Variants in SRFBP1 observed in about 807,000 individuals in gnomAD.
The protein encoded by SRFBP1 is serum response factor-binding protein 1.
Under a neutral mutation model 45.5 loss-of-function variants are expected in SRFBP1, and 47 were observed. That is an observed-to-expected ratio of 1.03 (90% CI 0.82 to 1.32). The LOEUF (loss-of-function observed/expected upper bound fraction) is 1.32, where lower values mean the gene tolerates loss of function less well. Ranked by LOEUF, SRFBP1 falls within the 40% of genes most tolerant of loss-of-function variation. SRFBP1 has a pLI of 0.00. For missense variants in SRFBP1, 621 were observed against 484.6 expected, an observed-to-expected ratio of 1.28 and a Z score of -2.64; for synonymous variants, 203 against 166.3, an observed-to-expected ratio of 1.22 and a Z score of -1.70.
At chr5:121,976,998 T>C (rs1457733192) in intron 3 of SRFBP1, among the ~76,000 whole-genome samples, 1 of 151,996 alleles carries the variant, frequency 6.6e-6, no homozygotes, top group African/African-American at 2.4e-5. Context: ...ACTTCCCTTT[T>C]GTAAATTTCA....
intron 3 of SRFBP1, 102 bp from the exon 4 acceptor site, chr5:121,994,497 G>A: frequency 1.4e-6 from 1 of 705,242 alleles, no homozygotes; most frequent in Non-Finnish European, 2.4e-6. Flanking sequence ...TCAAAATTAA[G>A]ATGTTATTTA....
chr5:122,039,701 C>T (rs1183894296), intron 2 of SRFBP1, among the ~76,000 whole-genome samples: 2 of 152,072 alleles, frequency 1.3e-5, no homozygotes, highest in African/African-American at 4.8e-5. Context: ...TTGCATTGAG[C>T]AGATCCTCCC....
chr5:121,974,951 G>A (rs1224865196), intron 2 of SRFBP1, among the ~76,000 whole-genome samples: 1 of 151,426 alleles, frequency 6.6e-6, no homozygotes, highest in Non-Finnish European at 1.5e-5. Flanking sequence ...ATTTTCATTT[G>A]ATAAAATTAT....
intron 2 of SRFBP1, among the ~76,000 whole-genome samples, chr5:122,047,412 G>C (rs1279378806): frequency 6.6e-6 from 1 of 152,166 alleles, no homozygotes. Context: ...CTATATCTCT[G>C]TTTTGGTACC....
At chr5:121,967,128 C>T (rs537151067) in intron 1 of SRFBP1, among the ~76,000 whole-genome samples, 1 of 152,056 alleles carries the variant, frequency 6.6e-6, no homozygotes, top group African/African-American at 2.4e-5. Context: ...CCATTAAGCC[C>T]ATTAGAAAAT....
At chr5:122,038,629 T>G (rs1311337421) in intron 2 of SRFBP1, among the ~76,000 whole-genome samples, 5 of 152,194 alleles carry the variant, frequency 3.3e-5, no homozygotes, top group Non-Finnish European at 7.3e-5. Flanking sequence ...AGTAAGGGTG[T>G]GCAATTTCCT....
chr5:122,068,533 C>G (rs967310028), intron 2 of SRFBP1, among the ~76,000 whole-genome samples: 3 of 152,124 alleles, frequency 2.0e-5, no homozygotes, highest in African/African-American at 7.2e-5. Context: ...TGCCTTTACT[C>G]AAATTATTTG....
In SRFBP1 at chr5:121,975,353, C is replaced by T. The variant is rs202119587; in HGVS notation, c.164C>T (p.Ala55Val). Residue 55 changes from alanine to valine, a missense_variant, in exon 3 of 8, where the codon GCG becomes GTG. Coordinates refer to ENST00000339397, the MANE Select transcript of SRFBP1 (RefSeq NM_152546.3). ...GCACTGTTAAAAAACCAAAGACGGG[C>T]GCAAAGATTGCTTGAAGAAATCCAT... ...EDALLKNQRR[A>V]QRLLEEIHAM... The T allele has an allele frequency of 8.1e-6, 13 of 1,613,178 alleles. No homozygotes were observed. Among genetic ancestry groups the T allele is most frequent in the African/African-American group, 2.7e-5 (2 of 74,966 alleles).
At position 121,994,604 on chromosome 5, in the gene SRFBP1, G is replaced by A. The variant is rs984375233; in HGVS notation, c.204G>A (p.Leu68=). 6.3e-7 allele frequency: 1 copy of A among 1,592,312 alleles called. No individual in the cohort carries two copies. The highest frequency in any genetic ancestry group is 1.4e-5 in the African/African-American group (1 of 73,798). ...LLEEIHAMKE[L]KPDIVTKSAL... Reference sequence around the variant, plus strand: ...TTTGTTTTATTCTTTCACAGGAATTGAAACCTGACATAGTAACTAAATCTG... The same window carrying A: ...TTTGTTTTATTCTTTCACAGGAATTAAAACCTGACATAGTAACTAAATCTG... The change falls in exon 4 of 8, where the codon TTG becomes TTA. Residue 68 remains leucine (L), a synonymous_variant. Coordinates refer to ENST00000339397, the MANE Select transcript of SRFBP1 (RefSeq NM_152546.3).
intron 3 of SRFBP1, among the ~76,000 whole-genome samples, chr5:121,986,245 G>C (rs1259977248): frequency 6.6e-6 from 1 of 151,938 alleles, no homozygotes; most frequent in Admixed American, 6.6e-5. Context: ...AGGCCAAGAA[G>C]GGGACAATGC....
intron 3 of SRFBP1, among the ~76,000 whole-genome samples, chr5:121,977,254 A>T (rs925602093): frequency 6.6e-6 from 1 of 152,066 alleles, no homozygotes; most frequent in African/African-American, 2.4e-5. Flanking sequence ...CCAAATTCAT[A>T]GCCTATGTAT....
At chr5:122,019,472 A>G in intron 5 of SRFBP1, 131 bp downstream of exon 5, 2 of 689,962 alleles carry the variant, frequency 2.9e-6, no homozygotes, top group Non-Finnish European at 4.5e-6. Flanking sequence ...ACCAGTGTGG[A>G]AGGTGTCTGA....
At chr5:121,976,946 G>A (rs115334508) in intron 3 of SRFBP1, among the ~76,000 whole-genome samples, 6,715 of 151,730 alleles carry the variant, frequency 0.044, 172 homozygotes, top group African/African-American at 0.06. Flanking sequence ...TGTATGTGGT[G>A]TATGAAGAGT....
At chr5:122,051,504 A>G (rs1012840232) in intron 2 of SRFBP1, among the ~76,000 whole-genome samples, 1 of 149,326 alleles carries the variant, frequency 6.7e-6, no homozygotes, top group African/African-American at 2.5e-5. Context: ...ATCATTATGC[A>G]ATACCCTTCT....
chr5:122,016,500 T>C (rs1753196394), intron 4 of SRFBP1, among the ~76,000 whole-genome samples: 1 of 152,202 alleles, frequency 6.6e-6, no homozygotes, highest in African/African-American at 2.4e-5. Flanking sequence ...GTTTATTATT[T>C]GGTGACTTGT....
intron 1 of SRFBP1, among the ~76,000 whole-genome samples, chr5:121,969,939 A>G (rs186140779): frequency 3.9e-4 from 60 of 152,214 alleles, no homozygotes; most frequent in Admixed American, 1.4e-3. Context: ...CCCAAACAAT[A>G]ATCATACTGT....
At chr5:122,001,943 AAG>A (rs1415682164) in intron 4 of SRFBP1, among the ~76,000 whole-genome samples, 1 of 152,188 alleles carries the variant, frequency 6.6e-6, no homozygotes, top group Non-Finnish European at 1.5e-5. Flanking sequence ...TTATTTCTAA[AAG>A]AGAATTTATA....
intron 2 of SRFBP1, among the ~76,000 whole-genome samples, chr5:122,046,200 C>G (rs978407828): frequency 1.8e-4 from 28 of 152,076 alleles, no homozygotes; most frequent in Non-Finnish European, 8.8e-5. Flanking sequence ...CTCCACCCCC[C>G]CTCACCCCAC....
intron 2 of SRFBP1, among the ~76,000 whole-genome samples, chr5:122,059,393 C>T (rs1461450750): frequency 1.3e-5 from 2 of 152,074 alleles, no homozygotes. Context: ...CTGACCTCAT[C>T]CCCTTACATC....
Sources: allele counts gnomAD v4.1 joint callset (sites outside exome capture counted in the v4.1 genomes callset), GRCh38; gene constraint gnomAD v4.1.1; transcripts MANE v1.5; gene names NCBI Gene and HGNC (gene_info 2026-07-23, HGNC 2026-07-21).